PAK3: variants seen among roughly 807,000 people sequenced by gnomAD.
PAK3 encodes the protein serine/threonine-protein kinase PAK 3.
A neutral mutation model predicts 41.0 loss-of-function variants in PAK3; 4 were observed. The ratio of observed to expected loss-of-function variants is 0.10; its 90% CI spans 0.05 to 0.22. The LOEUF (loss-of-function observed/expected upper bound fraction) is 0.22, where lower values mean the gene tolerates loss of function less well. Ranked by LOEUF, PAK3 falls within the 10% of genes least tolerant of loss-of-function variation. PAK3 has a pLI of 1.00. For synonymous variants in PAK3, 146 were observed against 139.6 expected, an observed-to-expected ratio of 1.05 and a Z score of -0.32; for missense variants, 205 against 409.9, an observed-to-expected ratio of 0.50 and a Z score of 4.32.
intron 1 of PAK3, among the ~76,000 whole-genome samples, chrX:111,011,331 T>C (rs1178266112): frequency 8.9e-6 from 1 of 111,880 alleles, no homozygotes; most frequent in African/African-American, 3.3e-5. Flanking sequence ...ACTTCCCATG[T>C]AGGTTATTTG....
intron 1 of PAK3, among the ~76,000 whole-genome samples, chrX:111,033,615 A>G (rs1215350237): frequency 8.9e-6 from 1 of 112,173 alleles, no homozygotes; most frequent in Non-Finnish European, 1.9e-5. Flanking sequence ...AGCCAGCTAT[A>G]TAGTTACAGG....
chrX:110,974,726 A>T (rs1159041106), intron 1 of PAK3, among the ~76,000 whole-genome samples: 1 of 111,863 alleles, frequency 8.9e-6, no homozygotes, highest in Admixed American at 9.5e-5. Context: ...ATACCGGCAA[A>T]CCAAATCCAG....
At chrX:111,036,898 T>C (rs1339051952) in intron 1 of PAK3, among the ~76,000 whole-genome samples, 3 of 112,055 alleles carry the variant, frequency 2.7e-5, no homozygotes, top group Non-Finnish European at 5.6e-5. Flanking sequence ...CTCCTTTAGA[T>C]ATTGTTTGAA....
intron 1 of PAK3, among the ~76,000 whole-genome samples, chrX:110,971,528 A>ATGTCTTTTTATTATT (rs1442249304): frequency 1.8e-5 from 2 of 111,840 alleles, no homozygotes; most frequent in African/African-American, 3.3e-5. Flanking sequence ...GGCTGCCATA[A>ATGTCTTTTTATTATT]TGTCTTTTTA....
intron 1 of PAK3, among the ~76,000 whole-genome samples, chrX:111,087,856 G>C (rs935332229): frequency 1.1e-4 from 12 of 107,999 alleles, no homozygotes; most frequent in African/African-American, 3.0e-4. Context: ...CCTTCTCCTT[G>C]AGAAATTCCC....
intron 1 of PAK3, among the ~76,000 whole-genome samples, chrX:111,069,887 C>A (rs1470181590): frequency 9.0e-6 from 1 of 111,491 alleles, no homozygotes; most frequent in African/African-American, 3.3e-5. Flanking sequence ...TAATTGGGGT[C>A]TTTTGCAGAC....
In PAK3 at chrX:111,151,618, T is replaced by G. The variant is rs750106562; in HGVS notation, c.431-792T>G. On this transcript the variant is annotated intron_variant, in intron 7 of 17. Coordinates refer to ENST00000372007, the MANE Select transcript of PAK3 (RefSeq NM_002578.5). ...TATTCTAAGATCTCCAATGGATGCC[T>G]GGAACCATGGATAGTACTGAACCTT... is the stretch of plus-strand genomic sequence containing the variant. 4.5e-5 allele frequency among the ~76,000 whole-genome samples: 5 copies of G among 112,354 alleles called. No individual in the cohort carries two copies. In the South Asian group the frequency reaches 1.9e-3, roughly 42 times the overall value.
intron 11 of PAK3, among the ~76,000 whole-genome samples, chrX:111,188,111 C>T (rs939291849): frequency 9.2e-6 from 1 of 109,077 alleles, no homozygotes; most frequent in Non-Finnish European, 1.9e-5. Flanking sequence ...CAATTTTATA[C>T]CACTGGATGC....
At chrX:111,065,908 A>G (rs2092698538) in intron 1 of PAK3, among the ~76,000 whole-genome samples, 1 of 111,262 alleles carries the variant, frequency 9.0e-6, no homozygotes, top group Non-Finnish European at 1.9e-5. Flanking sequence ...TTGTAATGTC[A>G]TCTTTGTCAT....
intron 1 of PAK3, among the ~76,000 whole-genome samples, chrX:111,073,470 GT>G (rs1433883643): frequency 1.8e-5 from 2 of 111,610 alleles, no homozygotes; most frequent in African/African-American, 6.5e-5. Flanking sequence ...ATTGGCAAAT[GT>G]TTAGCTAGAC....
rs2094891304 is a variant in PAK3 at position 111,217,451 on chromosome X, G to A, written c.1545+893G>A. On this transcript the variant is annotated intron_variant, in intron 17 of 17. Transcript: ENST00000372007. ...GAACACATAAGCCAATTAAACAGAA[G>A]GTGCAACACTTGGTTATACAGCGCA... is the stretch of plus-strand genomic sequence containing the variant. 31 of 838,992 alleles carry A rather than the reference G, an allele frequency of 3.7e-5. No individual in the cohort carries two copies. In the South Asian group the frequency reaches 5.9e-4, roughly 16 times the overall value. 69.1% of individuals were successfully genotyped at this position (838,992 alleles called of 1,213,427 possible). A position where few individuals can be genotyped will look rare whatever the true frequency, so the allele number is the denominator to read the frequency against.
chrX:111,049,561 A>T, intron 1 of PAK3, among the ~76,000 whole-genome samples: 1 of 112,415 alleles, frequency 8.9e-6, no homozygotes, highest in Non-Finnish European at 1.9e-5. Context: ...GTAGTAAGTG[A>T]GATGAAGGAG....
chrX:111,072,281 T>A (rs760666170), intron 1 of PAK3, among the ~76,000 whole-genome samples: 1 of 112,668 alleles, frequency 8.9e-6, no homozygotes, highest in Non-Finnish European at 1.9e-5. Flanking sequence ...ATAATTCAAG[T>A]TTTGTGGGCT....
At chrX:111,136,808 TA>T (rs771614047) in intron 5 of PAK3, among the ~76,000 whole-genome samples, 22 of 111,990 alleles carry the variant, frequency 2.0e-4, no homozygotes, top group South Asian at 3.7e-4. Flanking sequence ...TCTGGAGTTT[TA>T]AAAATTCATT....
At chrX:111,215,153 A>G (rs921958230) in intron 16 of PAK3, among the ~76,000 whole-genome samples, 2 of 111,616 alleles carry the variant, frequency 1.8e-5, no homozygotes, top group African/African-American at 6.5e-5. Flanking sequence ...AAGCAAGAAC[A>G]CTGTCTTATT....
chrX:111,185,894 A>G (rs1056962774), intron 11 of PAK3, among the ~76,000 whole-genome samples: 1 of 111,349 alleles, frequency 9.0e-6, no homozygotes, highest in Non-Finnish European at 1.9e-5. Flanking sequence ...AAAAATCCCC[A>G]ATAAAATACT....
At position 111,223,240 on chromosome X, in the gene PAK3, G is replaced by T. The variant is rs2094936713; in HGVS notation, c.*2793G>T. 1 of 110,890 alleles carries T rather than the reference G, an allele frequency of 9.0e-6. No individual in the cohort carries two copies. The highest frequency in any genetic ancestry group is 3.3e-5 in the African/African-American group (1 of 30,466). 9.1% of individuals were successfully genotyped at this position (110,890 alleles called of 1,213,427 possible). A position where few individuals can be genotyped will look rare whatever the true frequency, so the allele number is the denominator to read the frequency against. The stretch of plus-strand genomic sequence containing the variant: ...CATCTTTCAATGTTGATTCCAAAAT[G>T]TCCTGAGTTAGGAATAGGGCAGTGG... On this transcript the variant is annotated 3_prime_UTR_variant, in exon 18 of 18. Transcript: ENST00000372007.
At chrX:111,026,786 C>G (rs1269066768) in intron 1 of PAK3, among the ~76,000 whole-genome samples, 2 of 111,400 alleles carry the variant, frequency 1.8e-5, no homozygotes, top group Admixed American at 1.9e-4. Flanking sequence ...CAGCATCATT[C>G]TTCACAGAAC....
intron 4 of PAK3, among the ~76,000 whole-genome samples, chrX:111,107,521 G>A (rs1487027913): frequency 8.9e-6 from 1 of 112,041 alleles, no homozygotes; most frequent in Non-Finnish European, 1.9e-5. Flanking sequence ...TAATGGATCA[G>A]GAGCCTGGTG....
Sources: allele counts gnomAD v4.1 joint callset (sites outside exome capture counted in the v4.1 genomes callset), GRCh38; gene constraint gnomAD v4.1.1; transcripts MANE v1.5; gene names NCBI Gene and HGNC (gene_info 2026-07-23, HGNC 2026-07-21).